Variants in CHN1 observed in about 807,000 individuals in gnomAD.
The protein encoded by CHN1 is N-chimaerin.
Under a neutral mutation model 59.5 loss-of-function variants are expected in CHN1, and 37 were observed. That is an observed-to-expected ratio of 0.62 (90% CI 0.48 to 0.82). The LOEUF is 0.82. Among genes scored for constraint, CHN1 ranks in the 40% least tolerant of loss-of-function variants. The pLI, the probability that CHN1 is intolerant of heterozygous loss-of-function variation, is 0.00. For synonymous variants in CHN1, 206 were observed against 200.4 expected, an observed-to-expected ratio of 1.03 and a Z score of -0.24; for missense variants, 469 against 571.0, an observed-to-expected ratio of 0.82 and a Z score of 1.82.
chr2:174,935,408 T>C (rs761619964), intron 3 of CHN1, among the ~76,000 whole-genome samples: 1 of 152,252 alleles, frequency 6.6e-6, no homozygotes, highest in Non-Finnish European at 1.5e-5. Context: ...TAGGTATTAA[T>C]GCACACATTT....
At chr2:174,961,631 AAAAT>A (rs1334194497) in intron 1 of CHN1, among the ~76,000 whole-genome samples, 1 of 151,884 alleles carries the variant, frequency 6.6e-6, no homozygotes, top group Non-Finnish European at 1.5e-5. Flanking sequence ...TAAAATTAAA[AAAAT>A]AAAAATAATA....
At chr2:174,805,272 A>G (rs1339005100) in intron 11 of CHN1, among the ~76,000 whole-genome samples, 1 of 152,252 alleles carries the variant, frequency 6.6e-6, no homozygotes, top group African/African-American at 2.4e-5. Flanking sequence ...TGAGCCTTGC[A>G]GCAACTAAAT....
At chr2:174,945,641 C>T (rs547788164) in intron 2 of CHN1, among the ~76,000 whole-genome samples, 48 of 152,122 alleles carry the variant, frequency 3.2e-4, no homozygotes, top group African/African-American at 1.1e-3. Context: ...GGATGTGTGG[C>T]TATATATGTC....
intron 7 of CHN1, among the ~76,000 whole-genome samples, chr2:174,838,164 G>A (rs1212928353): frequency 2.0e-5 from 3 of 151,968 alleles, no homozygotes; most frequent in African/African-American, 7.3e-5. Context: ...CACGATCTTG[G>A]CTCATTGCAA....
At position 174,812,326 on chromosome 2, in the gene CHN1, C is replaced by G; in HGVS notation, c.869G>C (p.Arg290Thr). The change falls in exon 9 of 13, where the codon AGG becomes ACG. Residue 290 changes from arginine (R) to threonine (T), a missense_variant. Arg to Thr is a moderately conservative substitution (Grantham distance 71). This residue lies in a region of CHN1 where 225 missense variants were observed against 289.9 expected (regional missense o/e 0.78). Transcript: ENST00000409900. ...KRPMVVDMCI[R>T]EIESRGLNSE... ...TGGCTCACCTCTAGACTCAATCTCC[C>G]TGATGCACATGTCTACCACCATTGG... 6.2e-7 allele frequency: 1 copy of G among 1,613,214 alleles called. No homozygotes were observed. The highest frequency in any genetic ancestry group is 1.1e-5 in the South Asian group (1 of 90,970).
intron 3 of CHN1, among the ~76,000 whole-genome samples, chr2:174,933,449 C>G (rs146670959): frequency 7.2e-5 from 11 of 152,046 alleles, no homozygotes; most frequent in African/African-American, 2.2e-4. Context: ...AGAAAGTCAT[C>G]ACTTGTATCA....
At chr2:174,819,116 A>G (rs1190902957) in intron 8 of CHN1, among the ~76,000 whole-genome samples, 1 of 152,180 alleles carries the variant, frequency 6.6e-6, no homozygotes, top group Non-Finnish European at 1.5e-5. Flanking sequence ...GTTCTTTGGA[A>G]TATTGATGAA....
In CHN1 at chr2:174,981,825, T is replaced by C. The variant is rs1691159586; in HGVS notation, c.19+23069A>G. Among the ~76,000 whole-genome samples the C allele has an allele frequency of 3.9e-5, 6 of 152,210 alleles. 1 individual carries two copies. The South Asian group carries it at 1.0e-3, about 26-fold the overall frequency. On this transcript the variant is annotated intron_variant, in intron 1 of 12. Coordinates refer to ENST00000409900, the MANE Select transcript of CHN1 (RefSeq NM_001822.7). ...TTTTTTATTATTATACTTTAAGTTT[T>C]AGGGTACATGTGCACAACGTGCAGG...
intron 11 of CHN1, among the ~76,000 whole-genome samples, chr2:174,807,146 T>A (rs1213170685): frequency 6.6e-6 from 1 of 152,192 alleles, no homozygotes; most frequent in Non-Finnish European, 1.5e-5. Context: ...AGGAGAGATT[T>A]TCTTCAGCAG....
intron 3 of CHN1, among the ~76,000 whole-genome samples, chr2:174,932,271 A>G (rs879626203): frequency 6.6e-6 from 1 of 152,204 alleles, no homozygotes; most frequent in Non-Finnish European, 1.5e-5. Context: ...CAAGTTGGCA[A>G]GACAACTGTC....
chr2:174,850,224 T>C (rs757470088), intron 6 of CHN1, among the ~76,000 whole-genome samples: 1 of 152,214 alleles, frequency 6.6e-6, no homozygotes, highest in Non-Finnish European at 1.5e-5. Flanking sequence ...ATATCAGTTA[T>C]CTGTGTAGCT....
chr2:174,878,089 A>G lies in CHN1; in HGVS notation c.300T>C (p.Asp100=). The change falls in exon 6 of 13, where the codon GAT becomes GAC. Residue 100 remains aspartate (D), a synonymous_variant. Coordinates refer to ENST00000409900, the MANE Select transcript of CHN1 (RefSeq NM_001822.7). Reference sequence around the variant, plus strand: ...GTTTCTCCCCAACAAAGTGCTTGCCATCGTAGTAGAGCCTGAAGTTTCTGG... The same window carrying G: ...GTTTCTCCCCAACAAAGTGCTTGCCGTCGTAGTAGAGCCTGAAGTTTCTGG... ...SQTRNFRLYY[D]GKHFVGEKRF... 6.2e-7 allele frequency: 1 copy of G among 1,600,510 alleles called. No individual in the cohort carries two copies. Among genetic ancestry groups the G allele is most frequent in the South Asian group, 1.1e-5 (1 of 88,348 alleles).
chr2:174,811,292 T>C (rs188446457), intron 10 of CHN1: 1 of 464,554 alleles, frequency 2.2e-6, no homozygotes, highest in East Asian at 3.6e-5. Flanking sequence ...CAAATATTGG[T>C]AACATAGTTT....
chr2:174,825,003 TTTC>T (rs1685638561), intron 7 of CHN1, among the ~76,000 whole-genome samples: 1 of 152,296 alleles, frequency 6.6e-6, no homozygotes, highest in African/African-American at 2.4e-5. Context: ...CAGAGCTTGA[TTTC>T]TTCTTTGTTT....
rs556625632 is a variant in CHN1, at chr2:174,823,793, G to A, written c.712+641C>T. On this transcript the variant is annotated intron_variant, in intron 8 of 12. Coordinates refer to ENST00000409900, the MANE Select transcript of CHN1 (RefSeq NM_001822.7). ...CACAAAGTATCTCAAATACATCCTT[G>A]TGTTGGCTATTTCTGTATGTGTAAA... Among the ~76,000 whole-genome samples, 58 of 152,212 alleles carry A rather than the reference G, an allele frequency of 3.8e-4. No individual in the cohort carries two copies. In the South Asian group the frequency reaches 0.011, roughly 30 times the overall value.
intron 5 of CHN1, among the ~76,000 whole-genome samples, chr2:174,897,810 T>C (rs959967342): frequency 6.6e-6 from 1 of 152,110 alleles, no homozygotes; most frequent in African/African-American, 2.4e-5. Context: ...CTTCTGGGAC[T>C]ATTAATAAAA....
At chr2:174,873,114 C>T (rs1028472664) in intron 6 of CHN1, among the ~76,000 whole-genome samples, 1 of 151,658 alleles carries the variant, frequency 6.6e-6, no homozygotes, top group Admixed American at 6.6e-5. Context: ...TTGTAGTCTT[C>T]CTCATAAATT....
chr2:174,940,709 T>G (rs1689633394), intron 3 of CHN1, among the ~76,000 whole-genome samples: 1 of 152,216 alleles, frequency 6.6e-6, no homozygotes, highest in Non-Finnish European at 1.5e-5. Flanking sequence ...AGGAGACACA[T>G]GACAGTTTGT....
rs1301377555 is a variant in CHN1 at position 174,862,316 on chromosome 2, A to G, written c.550-15359T>C. Among the ~76,000 whole-genome samples the G allele has an allele frequency of 2.0e-5, 3 of 149,748 alleles. No individual in the cohort carries two copies. In the East Asian group the frequency reaches 5.8e-4, roughly 29 times the overall value. On this transcript the variant is annotated intron_variant, in intron 6 of 12. Coordinates refer to ENST00000409900, the MANE Select transcript of CHN1 (RefSeq NM_001822.7). ...AGATACTAGGTATAGAATTTAATAC[A>G]TTACGTTATACCAACGATACTTTTT...
Sources: allele counts gnomAD v4.1 joint callset (sites outside exome capture counted in the v4.1 genomes callset), GRCh38; gene constraint gnomAD v4.1.1; regional missense constraint gnomAD v4.1.1; transcripts MANE v1.5; gene names NCBI Gene and HGNC (gene_info 2026-07-23, HGNC 2026-07-21).